The following WDR90 variants were observed in gnomAD, a reference collection of about 807,000 sequenced individuals.
WDR90 encodes WD repeat domain 90, also known as WD repeat-containing protein 90.
In WDR90, 238 loss-of-function variants were observed where a neutral mutation model predicts 195.2. The observed-to-expected ratio is 1.22, with a 90% confidence interval of 1.10 to 1.36. WDR90 has a LOEUF of 1.36. Ranked by LOEUF, WDR90 falls within the 40% of genes most tolerant of loss-of-function variation. WDR90 has a pLI of 0.00. For missense variants in WDR90, 2,734 were observed against 2,439.5 expected (o/e 1.12, Z -2.54); for synonymous variants, 1,265 against 1,052.4 (o/e 1.20, Z -3.91).
At chr16:654,531 C>G (rs918068335) in intron 13 of WDR90, 5 of 152,302 alleles carry the variant, frequency 3.3e-5, no homozygotes, top group African/African-American at 1.3e-4. Flanking sequence ...CAGGCGCCTG[C>G]CAACATGCCT....
chr16:650,609 G>T lies in WDR90; in HGVS notation c.459G>T (p.Leu153=), dbSNP rs1220471924. Residue 153 remains leucine, a synonymous_variant, in exon 5 of 41, where the codon CTG becomes CTT. Coordinates refer to ENST00000293879, the MANE Select transcript of WDR90 (RefSeq NM_145294.5). ...CLQLDLQDVL[L]VYLNRCYGHL... ...AGCTCGATCTGCAGGACGTTCTCCT[G>T]GTCTACCTGAACCGGTGCTACGGCC... is the stretch of plus-strand genomic sequence containing the variant. The T allele has an allele frequency of 2.5e-6, 4 of 1,612,798 alleles. No homozygotes were observed. The highest frequency in any genetic ancestry group is 3.4e-6 in the Non-Finnish European group (4 of 1,179,942).
chr16:662,283 G>A lies in WDR90; in HGVS notation c.4097G>A (p.Trp1366Ter). Residue 1366 changes from tryptophan (W) to a stop codon, truncating the protein, a stop_gained, in exon 33 of 41, where the codon TGG becomes TAG. Coordinates refer to ENST00000293879, the MANE Select transcript of WDR90 (RefSeq NM_145294.5). LOFTEE classifies it high-confidence loss of function. ...AGCAGCACGGGGCGGCTGCGCCTGTGGGCCGTGGGGGCTGTGTCGGAGCTG... is the reference window on the plus strand; with the variant it reads ...AGCAGCACGGGGCGGCTGCGCCTGTAGGCCGTGGGGGCTGTGTCGGAGCTG... ...SGSSTGRLRL[W>*]AVGAVSELRC... 1 of 1,583,118 alleles carries A rather than the reference G, an allele frequency of 6.3e-7. No homozygotes were observed. Among genetic ancestry groups the A allele is most frequent in the Non-Finnish European group, 8.6e-7 (1 of 1,165,732 alleles).
At chr16:656,616 G>A in intron 18 of WDR90, 79 bp downstream of exon 18, 1 of 1,574,730 alleles carries the variant, frequency 6.4e-7, no homozygotes, top group Non-Finnish European at 8.6e-7. Flanking sequence ...GGTGAGAGGG[G>A]CCTATAGGGA....
intron 26 of WDR90, among the ~76,000 whole-genome samples, chr16:659,777 TC>T (rs1007388117): frequency 6.6e-6 from 1 of 152,072 alleles, no homozygotes; most frequent in African/African-American, 2.4e-5. Flanking sequence ...TTGCCCTGCC[TC>T]CCCGTTCCCC....
At position 653,379 on chromosome 16, in the gene WDR90, C is replaced by T. The variant is rs1394171443; in HGVS notation, c.1161C>T (p.Pro387=). Residue 387 remains proline (P), a synonymous_variant, in exon 11 of 41, where the codon CCC becomes CCT. Transcript: ENST00000293879. ...WTPDGAAVVY[P]CHAVIVVLLV... ...CAGACGGGGCGGCTGTCGTGTACCC[C>T]TGCCATGCGGTCATCGTCGTCCTGC... The T allele has an allele frequency of 3.1e-6, 5 of 1,599,936 alleles. No homozygotes were observed. Among genetic ancestry groups the T allele is most frequent in the South Asian group, 1.1e-5 (1 of 89,676 alleles).
chr16:655,873 G>A lies in WDR90; in HGVS notation c.1950G>A (p.Ser650=), dbSNP rs144333089. 22,173 of 1,596,554 alleles carry A rather than the reference G, an allele frequency of 0.014. 193 individuals carry two copies. Among genetic ancestry groups the A allele is most frequent in the Middle Eastern group, 0.023 (140 of 6,056 alleles). ...FLRLWPLDFS[S]VLLEAEHEGP... ...GGCTCTGGCCCCTGGACTTCTCCTC[G>A]GTGCTCCTGGAGGCAGGTGATGCTG... Residue 650 remains serine, a synonymous_variant, in exon 17 of 41, where the codon TCG becomes TCA. Transcript: ENST00000293879.
chr16:654,521 C>T (rs927019959), intron 13 of WDR90: 25 of 157,000 alleles, frequency 1.6e-4, no homozygotes, highest in Non-Finnish European at 2.2e-4. Flanking sequence ...GCTGGGACTA[C>T]AGGCGCCTGC....
chr16:649,931 C>T (rs911283350), intron 2 of WDR90, 60 bp from the exon 3 acceptor site: 6 of 1,604,450 alleles, frequency 3.7e-6, no homozygotes, highest in Non-Finnish European at 2.6e-6. Context: ...CCGAGGGCCC[C>T]CTCGCCCCCG....
chr16:656,678 C>A, intron 18 of WDR90, 54 bp from the exon 19 acceptor site: 2 of 1,586,050 alleles, frequency 1.3e-6, no homozygotes, highest in Admixed American at 1.7e-5. Context: ...GCCTGGAGAG[C>A]CCCTGGGCCC....
chr16:658,099 G>A (rs566846294), intron 21 of WDR90, 84 bp from the exon 22 acceptor site: 35 of 1,531,410 alleles, frequency 2.3e-5, no homozygotes, highest in Admixed American at 7.5e-5. Context: ...GCGTGTCCCC[G>A]GGACCTCCCT....
rs1197157664 is a variant in WDR90, at chr16:666,526, G to C, written c.4812G>C (p.Trp1604Cys). 6.2e-7 allele frequency: 1 copy of C among 1,612,752 alleles called. No homozygotes were observed. The change falls in exon 38 of 41, where the codon TGG becomes TGC. Residue 1604 changes from tryptophan (W) to cysteine (C), a missense_variant. By Grantham distance (215) the Trp-to-Cys change is radical. Transcript: ENST00000293879. The part of the protein sequence containing the change: ...AASGDQRVSV[W>C]ASDWLRNHCE... ...GTGGGGACCAGCGGGTCAGCGTCTG[G>C]GCCTCCGACTGGCTGCGGAACCACT...
In WDR90 at chr16:660,609, C is replaced by T. The variant is rs757632605; in HGVS notation, c.3289-3C>T. 1.3e-6 allele frequency: 2 copies of T among 1,562,190 alleles called. No individual in the cohort carries two copies. Among genetic ancestry groups the T allele is most frequent in the African/African-American group, 1.4e-5 (1 of 73,526 alleles). On this transcript the variant is annotated splice_region_variant and splice_polypyrimidine_tract_variant and intron_variant, in intron 27 of 40. Transcript: ENST00000293879. ...AGCAGCATCCGGGTCTCCTTCCTCG[C>T]AGGGCACTTGCCCGCCTCCCGCCAG...
Position 656,423 on chromosome 16 carries a change from T to A in WDR90, c.2088T>A (p.Ala696=). The A allele has an allele frequency of 6.2e-7, 1 of 1,605,292 alleles. No homozygotes were observed. The highest frequency in any genetic ancestry group is 8.5e-7 in the Non-Finnish European group (1 of 1,178,288). The part of the protein sequence containing the change: ...DTLSRVYHML[A]RSHTAPVLAL... ...TGTCCCGGGTGTACCACATGCTGGC[T>A]CGCTCCCACACCGCCCCGGTGTTGG... Residue 696 remains alanine, a synonymous_variant, in exon 18 of 41, where the codon GCT becomes GCA. Coordinates refer to ENST00000293879, the MANE Select transcript of WDR90 (RefSeq NM_145294.5).
At position 665,726 on chromosome 16, in the gene WDR90, C is replaced by A; in HGVS notation, c.4359C>A (p.Cys1453Ter). 6.2e-7 allele frequency: 1 copy of A among 1,612,440 alleles called. No individual in the cohort carries two copies. The highest frequency in any genetic ancestry group is 8.5e-7 in the Non-Finnish European group (1 of 1,179,786). ...CCGGGGAGTCCCACTGCGCCACATGCAGTGAGGATGGGAGTGTGCGGGTGT... is the reference window on the plus strand; with the variant it reads ...CCGGGGAGTCCCACTGCGCCACATGAAGTGAGGATGGGAGTGTGCGGGTGT... Reference protein sequence around the residue: ...FSPGESHCATCSEDGSVRVWA... With the variant: ...FSPGESHCAT Residue 1453 changes from cysteine (C) to a stop codon, truncating the protein, a stop_gained, in exon 35 of 41, where the codon TGC becomes TGA. Transcript: ENST00000293879. LOFTEE classifies it high-confidence loss of function.
chr16:657,372 G>A, intron 20 of WDR90, 151 bp downstream of exon 20: 1 of 1,217,256 alleles, frequency 8.2e-7, no homozygotes, highest in Non-Finnish European at 1.1e-6. Context: ...CCTTGTCAAG[G>A]CCCTGAGGAG....
At position 655,333 on chromosome 16, in the gene WDR90, T is replaced by A. The variant is rs759858169; in HGVS notation, c.1583T>A (p.Val528Glu). 7 of 1,604,046 alleles carry A rather than the reference T, an allele frequency of 4.4e-6. No homozygotes were observed. The highest frequency in any genetic ancestry group is 5.9e-6 in the Non-Finnish European group (7 of 1,179,506). ...TRMASCGQGSVRLWRLRGGVL... is the reference protein window; with the variant it reads ...TRMASCGQGSERLWRLRGGVL... ...ATGGCGTCGTGCGGGCAGGGCAGTGTGCGGCTCTGGCGGCTGCGTGGCGGG... is the reference window on the plus strand; with the variant it reads ...ATGGCGTCGTGCGGGCAGGGCAGTGAGCGGCTCTGGCGGCTGCGTGGCGGG... Residue 528 changes from valine to glutamate, a missense_variant, in exon 15 of 41, where the codon GTG becomes GAG. Physicochemically the swap from Val to Glu is moderately radical, Grantham distance 121. Coordinates refer to ENST00000293879, the MANE Select transcript of WDR90 (RefSeq NM_145294.5).
intron 1 of WDR90, 158 bp downstream of exon 1, chr16:649,584 C>A: frequency 8.6e-7 from 1 of 1,165,300 alleles, no homozygotes; most frequent in Non-Finnish European, 1.1e-6. Flanking sequence ...CTCGGGCTCC[C>A]GGAGCTTGGC....
intron 5 of WDR90, 78 bp from the exon 6 acceptor site, chr16:650,917 G>A (rs1397233869): frequency 1.3e-6 from 2 of 1,548,292 alleles, no homozygotes; most frequent in Non-Finnish European, 1.8e-6. Context: ...CTGGTGGCGT[G>A]GCAGTGCCTT....
intron 34 of WDR90, chr16:664,985 AT>A (rs920060918): frequency 2.0e-5 from 3 of 152,178 alleles, no homozygotes; most frequent in African/African-American, 2.4e-5. Context: ...GGCTGAACTG[AT>A]TTTTTTTTAA....
Sources: allele counts gnomAD v4.1 joint callset (sites outside exome capture counted in the v4.1 genomes callset), GRCh38; gene constraint gnomAD v4.1.1; transcripts MANE v1.5; gene names NCBI Gene and HGNC (gene_info 2026-07-23, HGNC 2026-07-21).